DEFB1: variants seen among roughly 807,000 people sequenced by gnomAD.
The protein encoded by DEFB1 is defensin beta 1.
Under a neutral mutation model 2.6 loss-of-function variants are expected in DEFB1, and 4 were observed. That is an observed-to-expected ratio of 1.53 (90% CI 0.76 to 3.51). DEFB1 has a LOEUF of 3.51. Among genes scored for constraint, DEFB1 ranks in the 30% most tolerant of loss-of-function variants. The pLI, the probability that DEFB1 is intolerant of heterozygous loss-of-function variation, is 0.01. For missense variants in DEFB1, 162 were observed against 76.9 expected, an observed-to-expected ratio of 2.11 and a Z score of -4.14; for synonymous variants, 56 against 28.5, an observed-to-expected ratio of 1.96 and a Z score of -3.07.
chr8:6,876,565 C>G lies in DEFB1; in HGVS notation c.61+1232G>C, dbSNP rs5743431. 9.0e-3 allele frequency among the ~76,000 whole-genome samples: 1,362 copies of G among 152,100 alleles called. 25 individuals carry two copies. Among genetic ancestry groups the G allele is most frequent in the African/African-American group, 0.031 (1,299 of 41,488 alleles). ...AATCCCAGAACTTTGGGAGTCTGAA[C>G]TAGGAGGGTTGCTTGTGCCCAGGAG... On this transcript the variant is annotated intron_variant, in intron 1 of 1. Transcript: ENST00000297439.
chr8:6,872,361 C>T (rs564119724), intron 1 of DEFB1, among the ~76,000 whole-genome samples: 5 of 152,214 alleles, frequency 3.3e-5, no homozygotes, highest in African/African-American at 4.8e-5. Flanking sequence ...CAAGTGCTCA[C>T]GAGCACTATG....
chr8:6,872,239 G>T (rs1806349888), intron 1 of DEFB1, among the ~76,000 whole-genome samples: 1 of 152,000 alleles, frequency 6.6e-6, no homozygotes, highest in Non-Finnish European at 1.5e-5. Context: ...AAGGTAAATA[G>T]AGGCTTCATT....
intron 1 of DEFB1, among the ~76,000 whole-genome samples, chr8:6,874,523 T>G (rs569730463): frequency 1.2e-4 from 18 of 152,328 alleles, no homozygotes; most frequent in African/African-American, 2.9e-4. Flanking sequence ...ATTTCAAGAC[T>G]AAGTGTAGAG....
intron 1 of DEFB1, among the ~76,000 whole-genome samples, chr8:6,871,935 G>A (rs1306244697): frequency 1.3e-5 from 2 of 152,146 alleles, no homozygotes; most frequent in African/African-American, 2.4e-5. Flanking sequence ...TAATACAAGA[G>A]GCCATCGCTA....
intron 1 of DEFB1, among the ~76,000 whole-genome samples, chr8:6,875,524 T>C (rs1806491850): frequency 6.6e-6 from 1 of 152,214 alleles, no homozygotes. Context: ...GGGCCCAACT[T>C]ATTATTTATC....
intron 1 of DEFB1, among the ~76,000 whole-genome samples, chr8:6,874,265 A>G (rs548516721): frequency 6.6e-6 from 1 of 152,318 alleles, no homozygotes; most frequent in Non-Finnish European, 1.5e-5. Context: ...CTACTAACAT[A>G]AAAAAAGTTA....
chr8:6,877,893 T>G lies in DEFB1; in HGVS notation c.-36A>C, dbSNP rs1180385507. On this transcript the variant is annotated 5_prime_UTR_variant, in exon 1 of 2. Transcript: ENST00000297439. Reference sequence around the variant, plus strand: ...AGGCAACACCCAGGATTTCAGGAACTGGGGAGACGCTGGCTCCTTTGGAGG... The same window carrying G: ...AGGCAACACCCAGGATTTCAGGAACGGGGGAGACGCTGGCTCCTTTGGAGG... 3.7e-6 allele frequency: 6 copies of G among 1,606,326 alleles called. No homozygotes were observed. The highest frequency in any genetic ancestry group is 1.7e-5 in the Admixed American group (1 of 59,994).
rs1806287804 is a variant in DEFB1 at position 6,870,880 on chromosome 8, T to G, written c.62-54A>C. 3.9e-6 allele frequency: 6 copies of G among 1,553,100 alleles called. No homozygotes were observed. The South Asian group carries it at 6.0e-5, about 16-fold the overall frequency. ...ACTCATGGCTTGTAGCTGCAACGATTTGAGAACATCTCGCGAAAGCAGAAC... is the reference window on the plus strand; with the variant it reads ...ACTCATGGCTTGTAGCTGCAACGATGTGAGAACATCTCGCGAAAGCAGAAC... On this transcript the variant is annotated intron_variant, in intron 1 of 1. Transcript: ENST00000297439.
At chr8:6,874,901 G>C (rs578137862) in intron 1 of DEFB1, among the ~76,000 whole-genome samples, 2 of 152,020 alleles carry the variant, frequency 1.3e-5, no homozygotes, top group Non-Finnish European at 2.9e-5. Flanking sequence ...AGAATCCCTT[G>C]AACCTGGGAG....
At chr8:6,874,230 G>A (rs1231889156) in intron 1 of DEFB1, among the ~76,000 whole-genome samples, 1 of 151,908 alleles carries the variant, frequency 6.6e-6, no homozygotes, top group Non-Finnish European at 1.5e-5. Flanking sequence ...GAGAAAGACC[G>A]AAACAAAAGC....
At chr8:6,877,348 C>A (rs908391800) in intron 1 of DEFB1, among the ~76,000 whole-genome samples, 84 of 152,364 alleles carry the variant, frequency 5.5e-4, no homozygotes, top group African/African-American at 1.9e-3. Context: ...AAGGCACCGG[C>A]TGAGCTGGCC....
Position 6,877,784 on chromosome 8 carries a change from T to C in DEFB1, c.61+13A>G, listed in dbSNP as rs1806587818. On this transcript the variant is annotated intron_variant, in intron 1 of 1. Transcript: ENST00000297439. ...CCTGGGGATGGGAAACTCTTGCAGGTACCAGAGCTTACCTGAGGCCATCTC... is the reference window on the plus strand; with the variant it reads ...CCTGGGGATGGGAAACTCTTGCAGGCACCAGAGCTTACCTGAGGCCATCTC... 6.2e-7 allele frequency: 1 copy of C among 1,612,590 alleles called. No homozygotes were observed. The highest frequency in any genetic ancestry group is 8.5e-7 in the Non-Finnish European group (1 of 1,178,882).
In DEFB1 at chr8:6,873,972, C is replaced by G. The variant is rs569099872; in HGVS notation, c.62-3146G>C. Among the ~76,000 whole-genome samples, 6 of 152,290 alleles carry G rather than the reference C, an allele frequency of 3.9e-5. No homozygotes were observed. The South Asian group carries it at 1.0e-3, about 26-fold the overall frequency. On this transcript the variant is annotated intron_variant, in intron 1 of 1. Transcript: ENST00000297439. ...AACATTTTCATGACATTTGCCTTCA[C>G]CTTGTGTTAGATATTGCTGTGCCTG... is the stretch of plus-strand genomic sequence containing the variant.
intron 1 of DEFB1, among the ~76,000 whole-genome samples, chr8:6,874,553 G>A (rs1279841416): frequency 6.6e-6 from 1 of 152,162 alleles, no homozygotes; most frequent in African/African-American, 2.4e-5. Context: ...TTAAGGCAAT[G>A]TGCTTATGGC....
intron 1 of DEFB1, 68 bp from the exon 2 acceptor site, chr8:6,870,894 C>T (rs951091730): frequency 1.3e-5 from 20 of 1,517,564 alleles, no homozygotes; most frequent in Middle Eastern, 2.0e-4. Flanking sequence ...GAACATCTCG[C>T]GAAAGCAGAA....
chr8:6,877,802 G>C lies in DEFB1; in HGVS notation c.56C>G (p.Ala19Gly). 6.2e-7 allele frequency: 1 copy of C among 1,613,816 alleles called. No individual in the cohort carries two copies. Among genetic ancestry groups the C allele is most frequent in the Non-Finnish European group, 8.5e-7 (1 of 1,179,790 alleles). ...FTLCLLLSEM[A>G]SGGNFLTGLG... is the part of the protein sequence containing the mutation. ...TTGCAGGTACCAGAGCTTACCTGAGGCCATCTCAGACAAAAGTAAGCAGAG... is the reference window on the plus strand; with the variant it reads ...TTGCAGGTACCAGAGCTTACCTGAGCCCATCTCAGACAAAAGTAAGCAGAG... Residue 19 changes from alanine to glycine, a missense_variant, in exon 1 of 2, where the codon GCC becomes GGC. By Grantham distance (60) the Ala-to-Gly change is moderately conservative (BLOSUM62 0). Coordinates refer to ENST00000297439, the MANE Select transcript of DEFB1 (RefSeq NM_005218.4).
At position 6,873,478 on chromosome 8, in the gene DEFB1, C is replaced by A. The variant is rs2978871; in HGVS notation, c.62-2652G>T. Among the ~76,000 whole-genome samples, 3 of 152,260 alleles carry A rather than the reference C, an allele frequency of 2.0e-5. No individual in the cohort carries two copies. The East Asian group carries it at 5.8e-4, about 29-fold the overall frequency. Reference sequence around the variant, plus strand: ...ATCTTTTGCAAACCACTCAACCTCTCTAGGCAGCAGCTTCTCAAATTTAAA... The same window carrying A: ...ATCTTTTGCAAACCACTCAACCTCTATAGGCAGCAGCTTCTCAAATTTAAA... On this transcript the variant is annotated intron_variant, in intron 1 of 1. Transcript: ENST00000297439.
chr8:6,877,545 A>G (rs1001974110), intron 1 of DEFB1, among the ~76,000 whole-genome samples: 3 of 152,198 alleles, frequency 2.0e-5, no homozygotes, highest in Non-Finnish European at 4.4e-5. Context: ...TGTCCAGGAC[A>G]AGGATGCAGG....
intron 1 of DEFB1, among the ~76,000 whole-genome samples, chr8:6,877,053 A>G (rs1450875063): frequency 6.6e-6 from 1 of 152,178 alleles, no homozygotes; most frequent in Non-Finnish European, 1.5e-5. Flanking sequence ...GCTTGCTTTC[A>G]GGATCATCCT....
Sources: allele counts gnomAD v4.1 joint callset (sites outside exome capture counted in the v4.1 genomes callset), GRCh38; gene constraint gnomAD v4.1.1; transcripts MANE v1.5; gene names NCBI Gene and HGNC (gene_info 2026-07-23, HGNC 2026-07-21).